Variants in THSD4 observed in about 807,000 individuals in gnomAD.
The protein encoded by THSD4 is thrombospondin type 1 domain containing 4.
THSD4 carries 69 observed loss-of-function variants against 119.0 expected under a neutral mutation model. That is an observed-to-expected ratio of 0.58 (90% CI 0.48 to 0.71). The LOEUF (loss-of-function observed/expected upper bound fraction) is 0.71. THSD4 is among the 30% of genes least tolerant of loss of function. The probability of loss-of-function intolerance (pLI) is 0.00; values close to 1 mark genes in which losing one functional copy is unlikely to be tolerated. For missense variants in THSD4, 1,393 were observed against 1,391.1 expected (o/e 1.00, Z -0.02); for synonymous variants, 524 against 540.4 (o/e 0.97, Z 0.42).
chr15:71,566,609 C>G (rs1313817149), intron 7 of THSD4, among the ~76,000 whole-genome samples: 1 of 152,036 alleles, frequency 6.6e-6, no homozygotes, highest in Non-Finnish European at 1.5e-5. Context: ...ACTGTTTTCC[C>G]CATAATTCCC....
rs867723654 is a variant in THSD4, at chr15:71,686,334, T to C, written c.1357+25600T>C. On this transcript the variant is annotated intron_variant, in intron 8 of 17. Coordinates refer to ENST00000261862, the MANE Select transcript of THSD4 (RefSeq NM_024817.3). ...CTGTTAATACCTGATTGTATTGCTT[T>C]GGAGAGTGTAGTCTGCATGATTTTG... Among the ~76,000 whole-genome samples, 34 of 152,338 alleles carry C rather than the reference T, an allele frequency of 2.2e-4. No individual in the cohort carries two copies. The South Asian group carries it at 3.5e-3, about 16-fold the overall frequency.
chr15:71,547,946 G>A (rs1241439674), intron 7 of THSD4, among the ~76,000 whole-genome samples: 1 of 150,694 alleles, frequency 6.6e-6, no homozygotes, highest in Non-Finnish European at 1.5e-5. Flanking sequence ...AGAAAAATCT[G>A]TGCTTAACTT....
chr15:71,131,073 C>T (rs2040499887), intron 1 of THSD4, among the ~76,000 whole-genome samples: 1 of 152,136 alleles, frequency 6.6e-6, no homozygotes, highest in Non-Finnish European at 1.5e-5. Flanking sequence ...AATCTTTAGT[C>T]CTAGCTTTGC....
intron 6 of THSD4, among the ~76,000 whole-genome samples, chr15:71,367,940 C>A (rs1008117409): frequency 6.6e-6 from 1 of 152,220 alleles, no homozygotes; most frequent in Non-Finnish European, 1.5e-5. Context: ...TCCTCTCCAG[C>A]ACCTGTTGTT....
chr15:71,569,448 T>G lies in THSD4; in HGVS notation c.1153-91082T>G, dbSNP rs116917870. Among the ~76,000 whole-genome samples the G allele has an allele frequency of 5.5e-3, 843 of 152,318 alleles. 2 individuals carry two copies. The highest frequency in any genetic ancestry group is 8.9e-3 in the Non-Finnish European group (605 of 68,028). The stretch of plus-strand genomic sequence containing the variant: ...TAAACATCTTTCAAAAGTTATTTAT[T>G]TATAATGCCTTCATTCTAAAAAGAA... On this transcript the variant is annotated intron_variant, in intron 7 of 17. Coordinates refer to ENST00000261862, the MANE Select transcript of THSD4 (RefSeq NM_024817.3).
chr15:71,727,647 A>G (rs968122753), intron 8 of THSD4, among the ~76,000 whole-genome samples: 3 of 145,058 alleles, frequency 2.1e-5, no homozygotes, highest in Admixed American at 6.9e-5. Context: ...GTACATGCCT[A>G]TAGTCCCAGC....
At chr15:71,727,548 AAAAAAATATATATATAT>A (rs1380639268) in intron 8 of THSD4, among the ~76,000 whole-genome samples, 1 of 108,144 alleles carries the variant, frequency 9.2e-6, no homozygotes, top group African/African-American at 4.3e-5. Context: ...AAAAAAAAAA[AAAAAAATATATATATAT>A]ATATATATAT....
In THSD4 at chr15:71,450,472, C is replaced by G. The variant is rs190188666; in HGVS notation, c.1152+38649C>G. ...CTCAGAAGATTCAGCTCACATCCAG[C>G]TTCTATCACTTACAAGTTGTGTGCT... is the stretch of plus-strand genomic sequence containing the variant. On this transcript the variant is annotated intron_variant, in intron 7 of 17. Coordinates refer to ENST00000261862, the MANE Select transcript of THSD4 (RefSeq NM_024817.3). Among the ~76,000 whole-genome samples, 31 of 152,304 alleles carry G rather than the reference C, an allele frequency of 2.0e-4. No individual in the cohort carries two copies. The East Asian group carries it at 5.6e-3, about 27-fold the overall frequency.
intron 8 of THSD4, among the ~76,000 whole-genome samples, chr15:71,678,028 G>A (rs2051688384): frequency 2.0e-5 from 3 of 152,164 alleles, no homozygotes; most frequent in African/African-American, 4.8e-5. Flanking sequence ...TCTTCAGCAG[G>A]GCTGTTAATC....
chr15:71,777,116 A>G (rs942387482), intron 17 of THSD4, 116 bp from the exon 18 acceptor site: 2 of 1,198,442 alleles, frequency 1.7e-6, no homozygotes, highest in African/African-American at 1.5e-5. Context: ...ATACCCCACA[A>G]TGGTAATAAA....
chr15:71,128,831 T>C (rs1345014674), intron 1 of THSD4, among the ~76,000 whole-genome samples: 1 of 152,146 alleles, frequency 6.6e-6, no homozygotes, highest in African/African-American at 2.4e-5. Flanking sequence ...AAGAGAGTGT[T>C]GTATTGGTGA....
chr15:71,616,859 C>T (rs909511308), intron 7 of THSD4, among the ~76,000 whole-genome samples: 4 of 152,276 alleles, frequency 2.6e-5, no homozygotes, highest in South Asian at 2.1e-4. Context: ...TAACTCTCTA[C>T]GAGAAAGCTT....
chr15:71,763,167 C>A (rs1368061350), intron 15 of THSD4, among the ~76,000 whole-genome samples: 3 of 152,046 alleles, frequency 2.0e-5, no homozygotes, highest in Non-Finnish European at 4.4e-5. Context: ...AACTGATGGC[C>A]TCTGCTATTT....
intron 10 of THSD4, among the ~76,000 whole-genome samples, chr15:71,737,297 G>T (rs567168973): frequency 3.3e-5 from 5 of 152,320 alleles, no homozygotes; most frequent in Admixed American, 1.3e-4. Flanking sequence ...CTATTTGCAG[G>T]CTCATCCATA....
Position 71,771,212 on chromosome 15 carries a change from A to T in THSD4, c.2914+4A>T. 6.2e-7 allele frequency: 1 copy of T among 1,612,690 alleles called. No individual in the cohort carries two copies. Among genetic ancestry groups the T allele is most frequent in the South Asian group, 1.1e-5 (1 of 90,544 alleles). On this transcript the variant is annotated splice_donor_region_variant and intron_variant, in intron 17 of 17. Transcript: ENST00000261862. ...CAGGACTGTGTCCCTGAAGTTGGTA[A>T]GTAGAGATTTCAATCATGGGGGAAA...
At chr15:71,665,765 A>C (rs759780718) in intron 8 of THSD4, among the ~76,000 whole-genome samples, 1 of 152,050 alleles carries the variant, frequency 6.6e-6, no homozygotes, top group African/African-American at 2.4e-5. Flanking sequence ...TCCTTTCCCA[A>C]TTGCTTGTTT....
At chr15:71,313,586 C>T (rs191008367) in intron 6 of THSD4, among the ~76,000 whole-genome samples, 15 of 152,274 alleles carry the variant, frequency 9.9e-5, no homozygotes, top group African/African-American at 3.6e-4. Context: ...CACCATGGCA[C>T]ACGTTTACCT....
intron 3 of THSD4, among the ~76,000 whole-genome samples, chr15:71,199,839 T>TGTG (rs1373719154): frequency 8.7e-4 from 123 of 140,940 alleles, no homozygotes; most frequent in Middle Eastern, 4.0e-3. Context: ...TGTGTGTGTG[T>TGTG]GTGCTGTGTG....
At chr15:71,721,302 A>G (rs926971415) in intron 8 of THSD4, among the ~76,000 whole-genome samples, 1 of 152,094 alleles carries the variant, frequency 6.6e-6, no homozygotes, top group Non-Finnish European at 1.5e-5. Flanking sequence ...AGGTCAAGAG[A>G]TCGAGACCAT....
Sources: gnomAD v4.1 joint callset for allele counts (sites outside exome capture counted in the v4.1 genomes callset) on GRCh38, gnomAD v4.1.1 for gene constraint, MANE v1.5 for transcripts, NCBI Gene and HGNC (gene_info 2026-07-23, HGNC 2026-07-21) for gene names.